CATSPERD: variants seen among roughly 807,000 people sequenced by gnomAD.
The protein encoded by CATSPERD is catsper channel auxiliary subunit delta, also known as cation channel sperm-associated auxiliary subunit delta.
A neutral mutation model predicts 98.1 loss-of-function variants in CATSPERD; 86 were observed. That is an observed-to-expected ratio of 0.88 (90% CI 0.74 to 1.05). CATSPERD has a LOEUF of 1.05. CATSPERD is among the 50% of genes least tolerant of loss of function. CATSPERD has a pLI of 0.00. For synonymous variants in CATSPERD, 394 were observed against 390.2 expected (o/e 1.01, Z -0.12); for missense variants, 995 against 1,005.7 (o/e 0.99, Z 0.14).
At chr19:5,745,189 C>T (rs765186973) in intron 8 of CATSPERD, among the ~76,000 whole-genome samples, 1 of 151,922 alleles carries the variant, frequency 6.6e-6, no homozygotes, top group Non-Finnish European at 1.5e-5. Context: ...GTAACCCCCA[C>T]CCTCCGCCGC....
chr19:5,749,535 TA>T (rs1406919265), intron 11 of CATSPERD, among the ~76,000 whole-genome samples: 1 of 152,130 alleles, frequency 6.6e-6, no homozygotes, highest in Non-Finnish European at 1.5e-5. Context: ...TTTCGAAGGC[TA>T]GAAATCACTC....
rs1473850034 is a variant in CATSPERD, at chr19:5,720,641, A to G, written c.-97A>G. 8 of 1,223,696 alleles carry G rather than the reference A, an allele frequency of 6.5e-6. No individual in the cohort carries two copies. The highest frequency in any genetic ancestry group is 1.5e-5 in the African/African-American group (1 of 67,056). The allele number at this position is 1,223,696 out of a possible 1,614,324, so 75.8% of individuals were successfully genotyped here. A position where few individuals can be genotyped will look rare whatever the true frequency, so the allele number is the denominator to read the frequency against. On this transcript the variant is annotated 5_prime_UTR_variant, in exon 1 of 22. An upstream start codon of the reference 5' UTR is lost. Transcript: ENST00000381624. ...GGAGGCCCGCTCCCGGGACTCATTG[A>G]TGCGCATGCGCAGGGCTTCAGCCTG...
In CATSPERD at chr19:5,746,122, G is replaced by T. The variant is rs1351180247; in HGVS notation, c.808+59G>T. 7.6e-6 allele frequency: 12 copies of T among 1,587,146 alleles called. No individual in the cohort carries two copies. The Admixed American group carries it at 8.5e-5, about 11-fold the overall frequency. On this transcript the variant is annotated intron_variant, in intron 9 of 21. Transcript: ENST00000381624. ...TGGTGGCCTCCTCCAGAGGGGCCGA[G>T]TACAGCCTGGATAAGGGGAGGGGAA...
At chr19:5,750,749 A>T (rs2056197004) in intron 11 of CATSPERD, among the ~76,000 whole-genome samples, 1 of 151,792 alleles carries the variant, frequency 6.6e-6, no homozygotes, top group African/African-American at 2.4e-5. Context: ...AAAGAAAAAA[A>T]TAATAATTAC....
chr19:5,750,209 G>T (rs980159885), intron 11 of CATSPERD, among the ~76,000 whole-genome samples: 4 of 148,642 alleles, frequency 2.7e-5, no homozygotes, highest in African/African-American at 9.9e-5. Context: ...AGCACCTTGG[G>T]TGGCCAAGGT....
At chr19:5,747,360 G>A (rs1163194288) in intron 9 of CATSPERD, among the ~76,000 whole-genome samples, 1 of 151,098 alleles carries the variant, frequency 6.6e-6, no homozygotes, top group Non-Finnish European at 1.5e-5. Flanking sequence ...TAGAGACGGG[G>A]TTTCACCCTG....
chr19:5,757,643 G>T (rs1432225187), intron 13 of CATSPERD, among the ~76,000 whole-genome samples, 200 bp from the exon 14 acceptor site: 1 of 121,798 alleles, frequency 8.2e-6, no homozygotes, highest in Admixed American at 1.1e-4. Flanking sequence ...ATCTCTCTGT[G>T]TTGCCCAGGC....
intron 8 of CATSPERD, among the ~76,000 whole-genome samples, chr19:5,745,243 G>A (rs976344571): frequency 7.1e-4 from 108 of 151,990 alleles, no homozygotes; most frequent in African/African-American, 2.4e-3. Flanking sequence ...GAGCCACTGC[G>A]CCTGGCCCAA....
At chr19:5,743,479 T>C (rs1032638780) in intron 7 of CATSPERD, among the ~76,000 whole-genome samples, 1 of 149,674 alleles carries the variant, frequency 6.7e-6, no homozygotes, top group African/African-American at 2.5e-5. Flanking sequence ...GTGCCTGTAG[T>C]CCCAGCTACT....
At chr19:5,750,241 G>T (rs1362641206) in intron 11 of CATSPERD, among the ~76,000 whole-genome samples, 1 of 149,442 alleles carries the variant, frequency 6.7e-6, no homozygotes, top group Non-Finnish European at 1.5e-5. Context: ...GAGTTCAGGA[G>T]ATCGTGACCA....
chr19:5,765,400 TGA>T (rs1160712868), intron 16 of CATSPERD, among the ~76,000 whole-genome samples: 30 of 140,562 alleles, frequency 2.1e-4, no homozygotes, highest in African/African-American at 8.5e-4. Flanking sequence ...TCTAGGCCAT[TGA>T]TTTATTCATT....
intron 12 of CATSPERD, among the ~76,000 whole-genome samples, chr19:5,753,313 C>T (rs921358130): frequency 7.9e-5 from 12 of 151,840 alleles, no homozygotes; most frequent in South Asian, 6.2e-4. Flanking sequence ...GTAATCCCAG[C>T]GCTTTGGGAG....
At position 5,751,714 on chromosome 19, in the gene CATSPERD, TACTGACCCC is replaced by T; in HGVS notation, c.1060_1068del (p.Thr354_Leu356del). 1.9e-6 allele frequency: 3 copies of T among 1,613,934 alleles called. No individual in the cohort carries two copies. The highest frequency in any genetic ancestry group is 2.5e-6 in the Non-Finnish European group (3 of 1,179,956). ...TTCAGGAGCCCAGGGACTCTGGAAA[TACTGACCCC>T]ACTGCGTGACACAGCCTTTCCAGCT... is the stretch of plus-strand genomic sequence containing the variant. On this transcript the variant is annotated inframe_deletion, in exon 12 of 22. Coordinates refer to ENST00000381624, the MANE Select transcript of CATSPERD (RefSeq NM_152784.4).
intron 4 of CATSPERD, among the ~76,000 whole-genome samples, chr19:5,730,461 C>T (rs11665835): frequency 3.3e-5 from 5 of 150,988 alleles, no homozygotes; most frequent in Non-Finnish European, 7.4e-5. Flanking sequence ...GAGAATCACT[C>T]GAACCCAGGA....
intron 7 of CATSPERD, among the ~76,000 whole-genome samples, chr19:5,742,167 CGTGTGTGT>C (rs1568350579): frequency 6.2e-5 from 9 of 145,212 alleles, no homozygotes; most frequent in Non-Finnish European, 1.4e-4. Context: ...CGTGTGTGTG[CGTGTGTGT>C]ATGTATGTGA....
In CATSPERD at chr19:5,757,666, C is replaced by T. The variant is rs550751123; in HGVS notation, c.1279-177C>T. ...GTGTTGCCCAGGCTCGTCTTGAACT[C>T]CTGGGCTCAAGCAGTCTTCTCACCT... On this transcript the variant is annotated intron_variant, in intron 13 of 21. Transcript: ENST00000381624. Among the ~76,000 whole-genome samples, 32 of 142,482 alleles carry T rather than the reference C, an allele frequency of 2.2e-4. 1 individual carries two copies. The highest frequency in any genetic ancestry group is 3.9e-4 in the Non-Finnish European group (26 of 66,728). 93.5% of individuals were successfully genotyped at this position (142,482 alleles called of 152,430 possible).
At chr19:5,734,012 C>A in intron 5 of CATSPERD, 42 bp downstream of exon 5, 1 of 1,219,216 alleles carries the variant, frequency 8.2e-7, no homozygotes, top group Non-Finnish European at 1.2e-6. Context: ...TGAGTGTAGT[C>A]AACATGAGAG....
At chr19:5,759,949 C>T (rs994357185) in intron 15 of CATSPERD, among the ~76,000 whole-genome samples, 5 of 151,002 alleles carry the variant, frequency 3.3e-5, no homozygotes, top group East Asian at 2.0e-4. Context: ...TGGTGGTATG[C>T]GCCTGTAATC....
chr19:5,773,400 G>A (rs2056686483), intron 20 of CATSPERD, among the ~76,000 whole-genome samples: 1 of 152,164 alleles, frequency 6.6e-6, no homozygotes, highest in South Asian at 2.1e-4. Flanking sequence ...CCGAAGGACG[G>A]GAAATGCAGG....
Sources: gnomAD v4.1 joint callset for allele counts (sites outside exome capture counted in the v4.1 genomes callset) on GRCh38, gnomAD v4.1.1 for gene constraint, MANE v1.5 for transcripts, NCBI Gene and HGNC (gene_info 2026-07-23, HGNC 2026-07-21) for gene names.